The following SSR3 variants were observed in gnomAD, a reference collection of about 807,000 sequenced individuals.
SSR3 encodes translocon-associated protein subunit gamma.
Under a neutral mutation model 22.1 loss-of-function variants are expected in SSR3, and 10 were observed. That is an observed-to-expected ratio of 0.45 (90% CI 0.28 to 0.77). The LOEUF (loss-of-function observed/expected upper bound fraction) is 0.77. Among genes scored for constraint, SSR3 ranks in the 30% least tolerant of loss-of-function variants. The pLI is 0.13. For missense variants in SSR3, 181 were observed against 220.5 expected (o/e 0.82, Z 1.13); for synonymous variants, 104 against 82.5 (o/e 1.26, Z -1.42).
chr3:156,547,408 C>A (rs1719804718), intron 3 of SSR3, among the ~76,000 whole-genome samples: 1 of 152,152 alleles, frequency 6.6e-6, no homozygotes, highest in African/African-American at 2.4e-5. Flanking sequence ...TCACTGAAAA[C>A]CTTTAAAAGC....
At chr3:156,554,859 C>T (rs1720093748) in intron 1 of SSR3, 98 bp downstream of exon 1, 1 of 1,482,376 alleles carries the variant, frequency 6.7e-7, no homozygotes, top group African/African-American at 1.4e-5. Context: ...GACCCCCGGC[C>T]GGCACCCACG....
rs772261674 is a variant in SSR3, at chr3:156,543,197, C to T, written c.*6G>A. On this transcript the variant is annotated 3_prime_UTR_variant, in exon 5 of 5. Transcript: ENST00000265044. The stretch of plus-strand genomic sequence containing the variant: ...ACACAAAGCCAGGGGGTGAAGCTGA[C>T]ATGGTCTATTTGGAGCCAGTAGACA... 9 of 1,613,128 alleles carry T rather than the reference C, an allele frequency of 5.6e-6. No homozygotes were observed. The highest frequency in any genetic ancestry group is 7.6e-6 in the Non-Finnish European group (9 of 1,179,658).
Position 156,540,614 on chromosome 3 carries a change from A to AAAT in SSR3, c.*2588_*2589insATT, listed in dbSNP as rs1719428446. 6.6e-6 allele frequency: 1 copy of AAAT among 150,986 alleles called. No individual in the cohort carries two copies. The highest frequency in any genetic ancestry group is 1.5e-5 in the Non-Finnish European group (1 of 67,738). The allele number at this position is 150,986 out of a possible 1,614,324, so 9.4% of individuals were successfully genotyped here. A position where few individuals can be genotyped will look rare whatever the true frequency, so the allele number is the denominator to read the frequency against. On this transcript the variant is annotated 3_prime_UTR_variant, in exon 5 of 5. Coordinates refer to ENST00000265044, the MANE Select transcript of SSR3 (RefSeq NM_007107.5). ...GAGCGAGACGCTGTCTCAAAAAAAAAAAAAAAAAAAAAAGAATATCAATCC... is the reference window on the plus strand; with the variant it reads ...GAGCGAGACGCTGTCTCAAAAAAAAAAATAAAAAAAAAAAAAGAATATCAATCC...
intron 2 of SSR3, among the ~76,000 whole-genome samples, chr3:156,550,241 C>G (rs958996481): frequency 6.6e-6 from 1 of 152,182 alleles, no homozygotes. Flanking sequence ...CCTTTCTTAG[C>G]TTAATATAAA....
In SSR3 at chr3:156,547,856, G is replaced by A. The variant is rs893997430; in HGVS notation, c.359+1049C>T. Among the ~76,000 whole-genome samples the A allele has an allele frequency of 3.0e-4, 45 of 152,264 alleles. 1 individual carries two copies. Among genetic ancestry groups the A allele is most frequent in the African/African-American group, 1.1e-3 (45 of 41,546 alleles). Reference sequence around the variant, plus strand: ...CAATGAAAGCTATGTGACCTCAGATGCTTCCCCTGACACCTGGAAACCCAC... The same window carrying A: ...CAATGAAAGCTATGTGACCTCAGATACTTCCCCTGACACCTGGAAACCCAC... On this transcript the variant is annotated intron_variant, in intron 3 of 4. Coordinates refer to ENST00000265044, the MANE Select transcript of SSR3 (RefSeq NM_007107.5).
intron 2 of SSR3, chr3:156,551,326 TGAA>T (rs1719948097): frequency 1.3e-5 from 2 of 151,978 alleles, no homozygotes; most frequent in Non-Finnish European, 2.9e-5. Context: ...AAAAATGTTA[TGAA>T]GAATAAGTAA....
intron 1 of SSR3, 43 bp downstream of exon 1, chr3:156,554,914 C>CT (rs1167517290): frequency 1.3e-6 from 2 of 1,592,128 alleles, no homozygotes; most frequent in Admixed American, 1.8e-5. Flanking sequence ...CCCAGCCCGA[C>CT]TAGCCGGCGG....
intron 3 of SSR3, among the ~76,000 whole-genome samples, chr3:156,545,540 A>C (rs1719729312): frequency 6.6e-6 from 1 of 152,224 alleles, no homozygotes; most frequent in Admixed American, 6.5e-5. Context: ...GGTAACTGAC[A>C]CATTATATTC....
chr3:156,544,161 C>A (rs1031957135), intron 4 of SSR3, 147 bp downstream of exon 4: 2 of 549,528 alleles, frequency 3.6e-6, no homozygotes, highest in Non-Finnish European at 5.8e-6. Flanking sequence ...TTTTAAATGT[C>A]CAGAAAGTTA....
chr3:156,541,244 G>A lies in SSR3; in HGVS notation c.*1959C>T, dbSNP rs1352720199. On this transcript the variant is annotated 3_prime_UTR_variant, in exon 5 of 5. Coordinates refer to ENST00000265044, the MANE Select transcript of SSR3 (RefSeq NM_007107.5). ...TCTATACAGGCACTGCCATCTAGTG[G>A]CAAGTTTTCACCAGCAATTTTAAAA... 2 of 152,136 alleles carry A rather than the reference G, an allele frequency of 1.3e-5. No individual in the cohort carries two copies. Among genetic ancestry groups the A allele is most frequent in the Non-Finnish European group, 2.9e-5 (2 of 68,042 alleles). 9.4% of individuals were successfully genotyped at this position (152,136 alleles called of 1,614,324 possible).
intron 2 of SSR3, among the ~76,000 whole-genome samples, chr3:156,553,076 C>G (rs1357774919): frequency 1.3e-5 from 2 of 151,092 alleles, no homozygotes; most frequent in African/African-American, 2.4e-5. Flanking sequence ...AAAAGACCAG[C>G]CTGGTCAACA....
chr3:156,552,326 A>G (rs573472925), intron 2 of SSR3, among the ~76,000 whole-genome samples: 1 of 151,514 alleles, frequency 6.6e-6, no homozygotes, highest in African/African-American at 2.4e-5. Context: ...AAAAGCCATG[A>G]TGAGTTGTTA....
chr3:156,545,288 T>C (rs1027821529), intron 3 of SSR3, among the ~76,000 whole-genome samples: 3 of 152,222 alleles, frequency 2.0e-5, no homozygotes, highest in Admixed American at 6.5e-5. Context: ...TAGGAAAGAA[T>C]AGAAAAACAT....
At chr3:156,554,313 C>G (rs1392651985) in intron 1 of SSR3, among the ~76,000 whole-genome samples, 1 of 152,190 alleles carries the variant, frequency 6.6e-6, no homozygotes, top group Non-Finnish European at 1.5e-5. Flanking sequence ...CAGCAAAAGA[C>G]AGGAGTTCTG....
chr3:156,546,028 T>G (rs1719747237), intron 3 of SSR3, among the ~76,000 whole-genome samples: 1 of 152,246 alleles, frequency 6.6e-6, no homozygotes, highest in Non-Finnish European at 1.5e-5. Flanking sequence ...TGCATCACAG[T>G]GCTTCTCCTT....
intron 4 of SSR3, among the ~76,000 whole-genome samples, chr3:156,543,716 T>G (rs1235413154): frequency 6.6e-6 from 1 of 152,192 alleles, no homozygotes; most frequent in Non-Finnish European, 1.5e-5. Context: ...GCCTCAGAAC[T>G]CTACAATTTT....
intron 4 of SSR3, 101 bp from the exon 5 acceptor site, chr3:156,543,370 C>T (rs1025927583): frequency 3.7e-6 from 3 of 821,040 alleles, no homozygotes; most frequent in African/African-American, 3.4e-5. Context: ...TCCTTCCTGA[C>T]ACTTGGTGTA....
At chr3:156,546,815 A>T (rs1299249492) in intron 3 of SSR3, among the ~76,000 whole-genome samples, 1 of 152,248 alleles carries the variant, frequency 6.6e-6, no homozygotes, top group Non-Finnish European at 1.5e-5. Context: ...CTCTGGAATG[A>T]ATGTTAATGA....
At chr3:156,553,874 G>T in intron 1 of SSR3, 93 bp from the exon 2 acceptor site, 1 of 1,296,842 alleles carries the variant, frequency 7.7e-7, no homozygotes, top group Non-Finnish European at 1.0e-6. Context: ...AGCTAAGCCT[G>T]GTAAAATACC....
Sources: allele counts gnomAD v4.1 joint callset (sites outside exome capture counted in the v4.1 genomes callset), GRCh38; gene constraint gnomAD v4.1.1; transcripts MANE v1.5; gene names NCBI Gene and HGNC (gene_info 2026-07-23, HGNC 2026-07-21).